MACROD2: variants seen among roughly 807,000 people sequenced by gnomAD.
MACROD2 encodes ADP-ribose glycohydrolase MACROD2.
A neutral mutation model predicts 70.4 loss-of-function variants in MACROD2; 36 were observed. That is an observed-to-expected ratio of 0.51 (90% CI 0.39 to 0.68). MACROD2 has a LOEUF of 0.68. Ranked by LOEUF, MACROD2 falls within the 30% of genes least tolerant of loss-of-function variation. The pLI, the probability that MACROD2 is intolerant of heterozygous loss-of-function variation, is 0.00. For synonymous variants in MACROD2, 172 were observed against 178.8 expected (o/e 0.96, Z 0.30); for missense variants, 496 against 538.4 (o/e 0.92, Z 0.78).
intron 5 of MACROD2, among the ~76,000 whole-genome samples, chr20:15,104,313 T>C (rs1032804311): frequency 1.3e-5 from 2 of 152,172 alleles, no homozygotes; most frequent in Non-Finnish European, 2.9e-5. Flanking sequence ...CATTCATTTA[T>C]GCCTTGGTGA....
chr20:15,960,478 C>T (rs1340759326), intron 12 of MACROD2, among the ~76,000 whole-genome samples: 2 of 152,140 alleles, frequency 1.3e-5, no homozygotes, highest in African/African-American at 4.8e-5. Flanking sequence ...TTCGGATCCA[C>T]AAAAGCAAAT....
chr20:15,855,886 A>AT (rs1470595521), intron 8 of MACROD2, among the ~76,000 whole-genome samples: 1 of 152,132 alleles, frequency 6.6e-6, no homozygotes, highest in Non-Finnish European at 1.5e-5. Context: ...GGTTTTTAAT[A>AT]TTCCATTATA....
At chr20:14,904,826 T>C (rs2122565667) in intron 5 of MACROD2, 1 of 152,336 alleles carries the variant, frequency 6.6e-6, no homozygotes, top group African/African-American at 2.4e-5. Flanking sequence ...CTCAATGGCA[T>C]ATATTATGCA....
chr20:14,526,915 C>A (rs968772048), intron 4 of MACROD2, among the ~76,000 whole-genome samples: 4 of 152,240 alleles, frequency 2.6e-5, no homozygotes, highest in Admixed American at 2.6e-4. Flanking sequence ...AGACTGTGGT[C>A]TTAATTGCAG....
rs189307509 is a variant in MACROD2, at chr20:15,846,284, T to G, written c.646-16461T>G. On this transcript the variant is annotated intron_variant, in intron 8 of 17. Coordinates refer to ENST00000684519, the MANE Select transcript of MACROD2 (RefSeq NM_001351661.2). ...TTCAGCCTTCGAGGATACTTCATGGTAAACATTGTGAAATAATCTCATAGG... is the reference window on the plus strand; with the variant it reads ...TTCAGCCTTCGAGGATACTTCATGGGAAACATTGTGAAATAATCTCATAGG... 3.0e-3 allele frequency among the ~76,000 whole-genome samples: 450 copies of G among 152,320 alleles called. 3 individuals are homozygous for G. Among genetic ancestry groups the G allele is most frequent in the African/African-American group, 0.01 (432 of 41,582 alleles).
intron 8 of MACROD2, among the ~76,000 whole-genome samples, chr20:15,650,664 A>G (rs1314356313): frequency 2.0e-5 from 3 of 152,202 alleles, no homozygotes; most frequent in African/African-American, 7.2e-5. Context: ...GTGTTGTCTA[A>G]AGACTGTTCA....
At chr20:15,431,384 A>G in intron 6 of MACROD2, 21 bp from the exon 7 acceptor site, 1 of 1,604,946 alleles carries the variant, frequency 6.2e-7, no homozygotes, top group Non-Finnish European at 8.5e-7. Context: ...ATTCATTGTT[A>G]TTTTTGTGGT....
At chr20:14,420,688 T>C (rs748510483) in intron 3 of MACROD2, among the ~76,000 whole-genome samples, 12 of 152,204 alleles carry the variant, frequency 7.9e-5, no homozygotes, top group Non-Finnish European at 1.6e-4. Context: ...CTTTTTAATC[T>C]CTTGAAAATG....
intron 3 of MACROD2, among the ~76,000 whole-genome samples, chr20:14,354,632 G>A (rs918747438): frequency 1.3e-5 from 2 of 152,002 alleles, no homozygotes; most frequent in African/African-American, 4.8e-5. Flanking sequence ...TAGATTCACG[G>A]GTACCTGTGC....
At chr20:15,249,512 T>A (rs558217167) in intron 6 of MACROD2, among the ~76,000 whole-genome samples, 4 of 152,218 alleles carry the variant, frequency 2.6e-5, no homozygotes, top group African/African-American at 9.6e-5. Flanking sequence ...GTTTTCAGGA[T>A]GAAGCCTGAT....
intron 5 of MACROD2, among the ~76,000 whole-genome samples, chr20:15,054,332 T>C (rs1225080099): frequency 6.6e-6 from 1 of 152,144 alleles, no homozygotes; most frequent in East Asian, 1.9e-4. Flanking sequence ...ATTGGCTAAC[T>C]TCTTTGTTGT....
chr20:14,072,643 G>A (rs2053862182), intron 2 of MACROD2, among the ~76,000 whole-genome samples: 2 of 151,944 alleles, frequency 1.3e-5, no homozygotes, highest in Non-Finnish European at 2.9e-5. Context: ...CATTAGAAGA[G>A]CATGTAGATT....
chr20:14,809,791 G>T (rs540256344), intron 5 of MACROD2, among the ~76,000 whole-genome samples: 1 of 152,186 alleles, frequency 6.6e-6, no homozygotes, highest in South Asian at 2.1e-4. Context: ...TACCATTAGA[G>T]AATAGTATAA....
intron 6 of MACROD2, among the ~76,000 whole-genome samples, chr20:15,375,965 G>A (rs559342854): frequency 4.6e-5 from 7 of 152,114 alleles, no homozygotes; most frequent in African/African-American, 1.2e-4. Context: ...TGAATGCATC[G>A]ACATATGTTC....
At chr20:15,931,258 A>C (rs2065572068) in intron 10 of MACROD2, among the ~76,000 whole-genome samples, 1 of 152,218 alleles carries the variant, frequency 6.6e-6, no homozygotes, top group Admixed American at 6.5e-5. Context: ...GAACCAGAAC[A>C]GGGAAAATAT....
At chr20:14,180,920 AG>A (rs2081300196) in intron 3 of MACROD2, among the ~76,000 whole-genome samples, 1 of 151,330 alleles carries the variant, frequency 6.6e-6, no homozygotes, top group Admixed American at 6.6e-5. Context: ...TAATTTAGTA[AG>A]GATATATGTG....
At chr20:15,725,449 T>G (rs556617456) in intron 8 of MACROD2, among the ~76,000 whole-genome samples, 4 of 152,354 alleles carry the variant, frequency 2.6e-5, no homozygotes, top group Non-Finnish European at 5.9e-5. Flanking sequence ...ACAAATTTGC[T>G]ATAATCACTT....
At position 15,300,200 on chromosome 20, in the gene MACROD2, T is replaced by G. The variant is rs369435314; in HGVS notation, c.540+70139T>G. ...TTAAGACCTTGGCTTTGCTTTTGTC[T>G]CCATAGAGAGTTTTAGTTACCTAAA... On this transcript the variant is annotated intron_variant, in intron 6 of 17. Coordinates refer to ENST00000684519, the MANE Select transcript of MACROD2 (RefSeq NM_001351661.2). Among the ~76,000 whole-genome samples the G allele has an allele frequency of 7.9e-5, 12 of 152,282 alleles. No individual in the cohort carries two copies. The East Asian group carries it at 1.9e-3, about 24-fold the overall frequency.
chr20:15,875,974 TAAG>T (rs11470608), intron 9 of MACROD2, among the ~76,000 whole-genome samples: 6,415 of 151,430 alleles, frequency 0.042, 266 homozygotes, highest in East Asian at 0.13. Flanking sequence ...AAATAATTCT[TAAG>T]AAGGCACAGA....
Sources: allele counts gnomAD v4.1 joint callset (sites outside exome capture counted in the v4.1 genomes callset), GRCh38; gene constraint gnomAD v4.1.1; transcripts MANE v1.5; gene names NCBI Gene and HGNC (gene_info 2026-07-23, HGNC 2026-07-21).